The following PTBP3 variants were observed in gnomAD, a reference collection of about 807,000 sequenced individuals.
PTBP3 encodes polypyrimidine tract binding protein 3.
Under a neutral mutation model 58.7 loss-of-function variants are expected in PTBP3, and 20 were observed. The observed-to-expected ratio is 0.34, with a 90% CI of 0.24 to 0.50. PTBP3 has a LOEUF of 0.50. PTBP3 is among the 20% of genes least tolerant of loss of function. The pLI is 0.98. For synonymous variants in PTBP3, 185 were observed against 219.8 expected (o/e 0.84, Z 1.40); for missense variants, 509 against 637.2 (o/e 0.80, Z 2.17).
chr9:112,268,436 G>C (rs1251875247), intron 3 of PTBP3, among the ~76,000 whole-genome samples: 2 of 152,190 alleles, frequency 1.3e-5, no homozygotes, highest in Non-Finnish European at 2.9e-5. Flanking sequence ...GTTCACAACT[G>C]TAATTCCAGC....
At chr9:112,289,995 C>A (rs1213152713) in intron 2 of PTBP3, among the ~76,000 whole-genome samples, 13 of 152,088 alleles carry the variant, frequency 8.5e-5, no homozygotes, top group Non-Finnish European at 7.4e-5. Flanking sequence ...TAACATTAAT[C>A]AATTTGCAGA....
chr9:112,361,510 T>C, the PTBP3 span, among the ~76,000 whole-genome samples: 2 of 151,942 alleles, frequency 1.3e-5, no homozygotes, highest in African/African-American at 4.8e-5. Flanking sequence ...CATATCCTGT[T>C]TTAATGATTC....
chr9:112,231,397 C>A lies in PTBP3; in HGVS notation c.1037G>T (p.Gly346Val). ...NLNPDLITPH[G>V]LFILFGVYGD... ...GAACTTACCAAATAGGATAAAAAGCCCATGTGGTGTGATAAGCTGTAAAGG... is the reference window on the plus strand; with the variant it reads ...GAACTTACCAAATAGGATAAAAAGCACATGTGGTGTGATAAGCTGTAAAGG... Residue 346 changes from glycine to valine, a missense_variant, in exon 10 of 14, where the codon GGG (glycine) becomes GTG (valine). By Grantham distance (109) the Gly-to-Val change is moderately radical. This residue lies in a region of PTBP3 where 135 missense variants were observed against 229.0 expected (regional missense o/e 0.59). Coordinates refer to ENST00000374257, the MANE Select transcript of PTBP3 (RefSeq NM_001163788.4). The A allele has an allele frequency of 1.9e-6, 3 of 1,592,948 alleles. No homozygotes were observed. Among genetic ancestry groups the A allele is most frequent in the Non-Finnish European group, 2.6e-6 (3 of 1,167,956 alleles).
In PTBP3 at chr9:112,300,730, C is replaced by T. The variant is rs372017885; in HGVS notation, c.-51-2814G>A. Among the ~76,000 whole-genome samples the T allele has an allele frequency of 1.3e-4, 20 of 151,172 alleles. No individual in the cohort carries two copies. The South Asian group carries it at 1.9e-3, about 14-fold the overall frequency. The stretch of plus-strand genomic sequence containing the variant: ...TCACGCCACTGCACTCCAGCCTGGG[C>T]GACAAAGCGAGACTCCGTCTCAAAG... On this transcript the variant is annotated intron_variant, in intron 1 of 13. Transcript: ENST00000374257.
chr9:112,332,811 G>A (rs1179622553), intron 1 of PTBP3: 1 of 1,612,372 alleles, frequency 6.2e-7, no homozygotes, highest in South Asian at 1.1e-5. Flanking sequence ...TAAGTTTCTT[G>A]GGGAGAGAGA....
intron 2 of PTBP3, among the ~76,000 whole-genome samples, chr9:112,287,188 T>C (rs534677760): frequency 4.9e-5 from 2 of 40,804 alleles, no homozygotes; most frequent in African/African-American, 2.8e-4. Context: ...GTTTTCCACA[T>C]ATATGAAGAT....
At chr9:112,297,393 C>T (rs538369004) in intron 2 of PTBP3, among the ~76,000 whole-genome samples, 6 of 152,170 alleles carry the variant, frequency 3.9e-5, no homozygotes, top group East Asian at 3.9e-4. Context: ...TTAGTAGAGA[C>T]GGGGTTTCGC....
chr9:112,302,774 G>C (rs547721583), intron 1 of PTBP3, among the ~76,000 whole-genome samples: 4 of 151,952 alleles, frequency 2.6e-5, no homozygotes, highest in Non-Finnish European at 5.9e-5. Context: ...ATTTTTGGTA[G>C]AGACAGGGTT....
intron 1 of PTBP3, chr9:112,332,786 G>C (rs759834495): frequency 1.9e-6 from 3 of 1,612,142 alleles, no homozygotes; most frequent in Non-Finnish European, 2.5e-6. Flanking sequence ...TTACATACAC[G>C]GGCAGATAAT....
the PTBP3 span, among the ~76,000 whole-genome samples, chr9:112,375,063 G>T: frequency 6.6e-6 from 1 of 152,166 alleles, no homozygotes; most frequent in South Asian, 2.1e-4. Flanking sequence ...CTTTGTTCAC[G>T]GGTCCACTGG....
intron 9 of PTBP3, 112 bp downstream of exon 9, chr9:112,231,987 A>AGG (rs1564391578): frequency 1.1e-5 from 5 of 469,308 alleles, no homozygotes; most frequent in African/African-American, 1.2e-4. Context: ...AAGAGAAGAG[A>AGG]AGAGAAGAGA....
intron 8 of PTBP3, among the ~76,000 whole-genome samples, chr9:112,234,566 T>C (rs1223181859): frequency 1.3e-5 from 2 of 152,220 alleles, no homozygotes; most frequent in Non-Finnish European, 2.9e-5. Context: ...TAGCCTATAG[T>C]TATTTGTGCC....
intron 4 of PTBP3, among the ~76,000 whole-genome samples, chr9:112,267,672 T>A (rs559608749): frequency 6.6e-6 from 1 of 152,288 alleles, no homozygotes; most frequent in Admixed American, 6.5e-5. Flanking sequence ...ATTCTAAAAA[T>A]TTTTTATTAA....
chr9:112,241,769 T>A (rs1366224021), intron 7 of PTBP3, among the ~76,000 whole-genome samples: 2 of 152,224 alleles, frequency 1.3e-5, no homozygotes, highest in African/African-American at 2.4e-5. Flanking sequence ...AATATTCCCA[T>A]CATTCCTGAA....
At chr9:112,305,768 G>C (rs779019517) in intron 1 of PTBP3, among the ~76,000 whole-genome samples, 5 of 151,948 alleles carry the variant, frequency 3.3e-5, no homozygotes, top group African/African-American at 9.7e-5. Context: ...GTGTAACCCC[G>C]TCTCTACCAA....
At chr9:112,349,470 T>C in the PTBP3 span, among the ~76,000 whole-genome samples, 1 of 152,160 alleles carries the variant, frequency 6.6e-6, no homozygotes, top group Non-Finnish European at 1.5e-5. Context: ...AACCAGTTGG[T>C]CAGAAGCATG....
chr9:112,243,350 G>A (rs1316622966), intron 7 of PTBP3, among the ~76,000 whole-genome samples: 2 of 151,994 alleles, frequency 1.3e-5, no homozygotes, highest in Non-Finnish European at 2.9e-5. Context: ...AGACCAGGCT[G>A]GCCAACACGG....
At chr9:112,224,979 C>T (rs1260360198) in intron 12 of PTBP3, among the ~76,000 whole-genome samples, 1 of 152,148 alleles carries the variant, frequency 6.6e-6, no homozygotes, top group Non-Finnish European at 1.5e-5. Context: ...TGCCTTGCAT[C>T]GTGATTACAA....
chr9:112,258,595 T>C (rs1836468449), intron 5 of PTBP3, among the ~76,000 whole-genome samples: 1 of 152,204 alleles, frequency 6.6e-6, no homozygotes, highest in African/African-American at 2.4e-5. Context: ...CTTACCTCAG[T>C]CTTTACATCT....
Sources: gnomAD v4.1 joint callset for allele counts (sites outside exome capture counted in the v4.1 genomes callset) on GRCh38, gnomAD v4.1.1 for gene constraint, gnomAD v4.1.1 regional missense constraint, MANE v1.5 for transcripts, NCBI Gene and HGNC (gene_info 2026-07-23, HGNC 2026-07-21) for gene names.